The following PTCHD1 variants were observed in gnomAD, a reference collection of about 807,000 sequenced individuals.
The protein encoded by PTCHD1 is patched domain containing 1.
In PTCHD1, 3 loss-of-function variants were observed where a neutral mutation model predicts 34.6. The observed-to-expected ratio is 0.09, with a 90% confidence interval of 0.04 to 0.22. PTCHD1 has a LOEUF of 0.22. Among genes scored for constraint, PTCHD1 ranks in the 10% least tolerant of loss-of-function variants. The pLI is 1.00. For missense variants in PTCHD1, 504 were observed against 685.5 expected (o/e 0.74, Z 2.96); for synonymous variants, 305 against 283.1 (o/e 1.08, Z -0.77).
intron 1 of PTCHD1, among the ~76,000 whole-genome samples, chrX:23,371,426 G>C (rs759790882): frequency 8.9e-6 from 1 of 111,875 alleles, no homozygotes; most frequent in African/African-American, 3.3e-5. Flanking sequence ...TCCTGCTGGG[G>C]AACTCTGGGA....
At chrX:23,361,055 T>A (rs1039779925) in intron 1 of PTCHD1, among the ~76,000 whole-genome samples, 6 of 111,841 alleles carry the variant, frequency 5.4e-5, no homozygotes, top group Admixed American at 9.5e-5. Flanking sequence ...TGCTGAGGAG[T>A]GCTTTACTTC....
chrX:23,387,374 G>A (rs1601916392), intron 2 of PTCHD1, among the ~76,000 whole-genome samples: 1 of 111,020 alleles, frequency 9.0e-6, no homozygotes, highest in African/African-American at 3.3e-5. Context: ...TCAGTGATGG[G>A]AGGATTAGCC....
intron 1 of PTCHD1, among the ~76,000 whole-genome samples, chrX:23,374,366 G>C (rs1295593300): frequency 9.7e-6 from 1 of 103,328 alleles, no homozygotes; most frequent in African/African-American, 3.5e-5. Context: ...TATTTTTCCT[G>C]TGTTAATCAC....
rs1354399604 is a variant in PTCHD1 at position 23,392,879 on chromosome X, C to T, written c.1361C>T (p.Pro454Leu). Residue 454 changes from proline (P) to leucine (L), a missense_variant, in exon 3 of 3, where the codon CCG becomes CTG. Coordinates refer to ENST00000379361, the MANE Select transcript of PTCHD1 (RefSeq NM_173495.3). ...VPKPEALQEK[P>L]AWYRFLLTAR... ...AAGCCTGAGGCATTGCAGGAGAAGC[C>T]GGCATGGTACAGGTTTCTCCTGACG... is the stretch of plus-strand genomic sequence containing the variant. 2 of 1,210,328 alleles carry T rather than the reference C, an allele frequency of 1.7e-6. No individual in the cohort carries two copies. Among genetic ancestry groups the T allele is most frequent in the Non-Finnish European group, 2.2e-6 (2 of 895,118 alleles).
At chrX:23,385,803 T>C (rs971732951) in intron 2 of PTCHD1, among the ~76,000 whole-genome samples, 6 of 111,354 alleles carry the variant, frequency 5.4e-5, no homozygotes, top group African/African-American at 2.0e-4. Context: ...ATCAGTAAAA[T>C]AAATTTCACA....
chrX:23,374,948 T>A (rs1211808374), intron 1 of PTCHD1, among the ~76,000 whole-genome samples: 1 of 111,781 alleles, frequency 8.9e-6, no homozygotes, highest in Non-Finnish European at 1.9e-5. Flanking sequence ...TTTCTGACAC[T>A]CTTAAGGTAG....
At chrX:23,360,135 T>C (rs1378660145) in intron 1 of PTCHD1, among the ~76,000 whole-genome samples, 1 of 112,111 alleles carries the variant, frequency 8.9e-6, no homozygotes, top group Non-Finnish European at 1.9e-5. Flanking sequence ...TCTGCCAGGA[T>C]TTGGTATCAG....
At chrX:23,367,947 T>C (rs1319046085) in intron 1 of PTCHD1, among the ~76,000 whole-genome samples, 1 of 110,748 alleles carries the variant, frequency 9.0e-6, no homozygotes, top group African/African-American at 3.3e-5. Flanking sequence ...ATTTTATGCC[T>C]ATTGTTCCTG....
At chrX:23,341,950 A>G (rs1418578469) in intron 1 of PTCHD1, among the ~76,000 whole-genome samples, 3 of 111,351 alleles carry the variant, frequency 2.7e-5, no homozygotes, top group East Asian at 5.6e-4. Flanking sequence ...CTTCAAGTAC[A>G]GTTAAGATGA....
intron 1 of PTCHD1, among the ~76,000 whole-genome samples, chrX:23,366,963 C>T (rs1400850251): frequency 9.1e-6 from 1 of 109,418 alleles, no homozygotes; most frequent in Admixed American, 9.8e-5. Flanking sequence ...CCCCTGCATC[C>T]CCCTCACATA....
intron 1 of PTCHD1, among the ~76,000 whole-genome samples, chrX:23,367,628 T>G (rs1922181468): frequency 9.0e-6 from 1 of 111,467 alleles, no homozygotes; most frequent in Non-Finnish European, 1.9e-5. Context: ...GCAGGATAAC[T>G]GAATCTTGCA....
rs34539351 is a variant in PTCHD1 at position 23,394,409 on chromosome X, GACACACACACACACACAC to G, written c.*249_*266del. ...TGTTATGAGAATTCACACACACATA[GACACACACACACACACAC>G]ACACACACACACACACACACACACC... is the stretch of plus-strand genomic sequence containing the variant. On this transcript the variant is annotated 3_prime_UTR_variant, in exon 3 of 3. Transcript: ENST00000379361. 35 of 200,343 alleles carry G rather than the reference GACACACACACACACACAC, an allele frequency of 1.7e-4. No homozygotes were observed. In the Admixed American group the frequency reaches 1.8e-3, roughly 11 times the overall value. 16.5% of individuals were successfully genotyped at this position (200,343 alleles called of 1,213,427 possible). A position where few individuals can be genotyped will look rare whatever the true frequency, so the allele number is the denominator to read the frequency against.
At chrX:23,334,787 T>TGCC (rs879170954), upstream of PTCHD1, 24,672 of 349,808 alleles carry the variant, frequency 0.071, 880 homozygotes, top group East Asian at 0.24. Context: ...CGGGCGCCGC[T>TGCC]GCCGCCGCCG....
At chrX:23,390,329 GAAAAAAA>G (rs754868031) in intron 2 of PTCHD1, among the ~76,000 whole-genome samples, 1 of 69,545 alleles carries the variant, frequency 1.4e-5, no homozygotes, top group Non-Finnish European at 2.9e-5. Flanking sequence ...ATGGCCCCAG[GAAAAAAA>G]AAAAAAAAAC....
intron 1 of PTCHD1, among the ~76,000 whole-genome samples, chrX:23,370,621 A>G (rs184046863): frequency 8.9e-6 from 1 of 111,759 alleles, no homozygotes; most frequent in African/African-American, 3.3e-5. Flanking sequence ...ATTAGGTGGA[A>G]CTTTCTTCTT....
At chrX:23,335,845 A>G (rs1921157462) in intron 1 of PTCHD1, among the ~76,000 whole-genome samples, 1 of 111,770 alleles carries the variant, frequency 8.9e-6, no homozygotes, top group African/African-American at 3.3e-5. Flanking sequence ...TCTTCTCCGG[A>G]GCGAGGTAGC....
intron 1 of PTCHD1, among the ~76,000 whole-genome samples, chrX:23,355,422 T>G (rs748160269): frequency 2.7e-4 from 30 of 112,977 alleles, no homozygotes; most frequent in Non-Finnish European, 4.9e-4. Flanking sequence ...CATTTCACTT[T>G]TCCCTTTTAG....
chrX:23,377,949 ACT>A (rs957420096), intron 1 of PTCHD1, among the ~76,000 whole-genome samples: 41 of 111,763 alleles, frequency 3.7e-4, no homozygotes, highest in African/African-American at 1.3e-3. Flanking sequence ...CAGTATAACA[ACT>A]CTGTGCATGT....
At chrX:23,346,555 C>A (rs1174424005) in intron 1 of PTCHD1, among the ~76,000 whole-genome samples, 1 of 111,674 alleles carries the variant, frequency 9.0e-6, no homozygotes, top group African/African-American at 3.3e-5. Flanking sequence ...AGTCAGATAT[C>A]TAGAATGATC....
Sources: allele counts gnomAD v4.1 joint callset (sites outside exome capture counted in the v4.1 genomes callset), GRCh38; gene constraint gnomAD v4.1.1; transcripts MANE v1.5; gene names NCBI Gene and HGNC (gene_info 2026-07-23, HGNC 2026-07-21).